SNX30: variants seen among roughly 807,000 people sequenced by gnomAD.
SNX30 encodes sorting nexin-30.
In SNX30, 24 loss-of-function variants were observed where a neutral mutation model predicts 46.4. That is an observed-to-expected ratio of 0.52 (90% CI 0.37 to 0.73). The LOEUF (loss-of-function observed/expected upper bound fraction) is 0.73, where lower values mean the gene tolerates loss of function less well. Among genes scored for constraint, SNX30 ranks in the 30% least tolerant of loss-of-function variants. SNX30 has a pLI of 0.00. For missense variants in SNX30, 533 were observed against 555.7 expected, an observed-to-expected ratio of 0.96 and a Z score of 0.41; for synonymous variants, 189 against 211.5, an observed-to-expected ratio of 0.89 and a Z score of 0.92.
chr9:112,780,231 GGGGTGAGA>G (rs1839824858), intron 1 of SNX30, among the ~76,000 whole-genome samples: 1 of 152,192 alleles, frequency 6.6e-6, no homozygotes, highest in Non-Finnish European at 1.5e-5. Flanking sequence ...AGGCAGAATT[GGGGTGAGA>G]GGGCAAACCC....
chr9:112,785,289 C>G (rs545334809), intron 1 of SNX30, among the ~76,000 whole-genome samples: 1 of 151,992 alleles, frequency 6.6e-6, no homozygotes, highest in Admixed American at 6.6e-5. Context: ...GATCACAGCT[C>G]CCTGCAGCCT....
downstream of SNX30, among the ~76,000 whole-genome samples, chr9:112,883,068 C>T (rs1000474313): frequency 6.6e-6 from 1 of 152,154 alleles, no homozygotes; most frequent in African/African-American, 2.4e-5. Context: ...GGCAGCAGGT[C>T]AACGGATGCA....
At chr9:112,768,214 T>C (rs1455661225) in intron 1 of SNX30, among the ~76,000 whole-genome samples, 2 of 152,190 alleles carry the variant, frequency 1.3e-5, no homozygotes, top group Non-Finnish European at 2.9e-5. Context: ...CCAAGTGATT[T>C]TCCTCGTGAG....
At chr9:112,817,482 C>T (rs62576411) in intron 2 of SNX30, among the ~76,000 whole-genome samples, 9,865 of 125,388 alleles carry the variant, frequency 0.079, 433 homozygotes, top group Admixed American at 0.11. Context: ...GGTGCAATCT[C>T]GGAAAACTGG....
chr9:112,830,176 T>C (rs1840639026), intron 3 of SNX30, among the ~76,000 whole-genome samples: 1 of 152,138 alleles, frequency 6.6e-6, no homozygotes, highest in African/African-American at 2.4e-5. Flanking sequence ...ATAAAGGAAA[T>C]TACGTTTTAA....
chr9:112,780,762 G>C (rs2131375436), intron 1 of SNX30, among the ~76,000 whole-genome samples: 1 of 152,242 alleles, frequency 6.6e-6, no homozygotes, highest in South Asian at 2.1e-4. Flanking sequence ...ATAGTAAGAT[G>C]AAATTCACTA....
At chr9:112,856,867 C>A in intron 7 of SNX30, 1 of 152,674 alleles carries the variant, frequency 6.5e-6, no homozygotes, top group Non-Finnish European at 1.5e-5. Context: ...AGAACTCCCC[C>A]ATCCCCTCAG....
intron 2 of SNX30, among the ~76,000 whole-genome samples, chr9:112,815,336 G>C (rs1840380011): frequency 6.6e-6 from 1 of 151,582 alleles, no homozygotes; most frequent in Non-Finnish European, 1.5e-5. Flanking sequence ...AAACATAAGA[G>C]AAATGATCAG....
At chr9:112,859,151 T>C (rs1415099899) in intron 7 of SNX30, among the ~76,000 whole-genome samples, 1 of 152,172 alleles carries the variant, frequency 6.6e-6, no homozygotes. Flanking sequence ...CTTTGACCAT[T>C]CTAGATACCT....
rs1205512074 is a variant in SNX30, at chr9:112,868,839, A to G, written c.1310A>G (p.Lys437Arg). The G allele has an allele frequency of 1.2e-6, 2 of 1,614,176 alleles. No homozygotes were observed. Among genetic ancestry groups the G allele is most frequent in the Admixed American group, 1.7e-5 (1 of 60,026 alleles). ...CTACTGCAGGAGAAACAAGAGGCCAAGTAAAGTTCTTTCTTGGGACGGAGA... is the reference window on the plus strand; with the variant it reads ...CTACTGCAGGAGAAACAAGAGGCCAGGTAAAGTTCTTTCTTGGGACGGAGA... The part of the protein sequence containing the change: ...IPLLQEKQEA[K>R] Residue 437 changes from lysine to arginine, a missense_variant, in exon 9 of 9, where the codon AAG becomes AGG. By Grantham distance (26) the Lys-to-Arg change is conservative (BLOSUM62 2). Around this residue, in one of 3 missense-constraint regions of SNX30, gnomAD observed 261 missense variants for 270.9 expected, o/e 0.96. Coordinates refer to ENST00000374232, the MANE Select transcript of SNX30 (RefSeq NM_001012994.2).
chr9:112,842,263 CTG>C, intron 6 of SNX30, among the ~76,000 whole-genome samples: 1 of 152,220 alleles, frequency 6.6e-6, no homozygotes, highest in South Asian at 2.1e-4. Flanking sequence ...TCTTCATCAG[CTG>C]CTGAATGGTC....
At chr9:112,786,483 G>GT (rs911967298) in intron 1 of SNX30, among the ~76,000 whole-genome samples, 6 of 151,060 alleles carry the variant, frequency 4.0e-5, no homozygotes, top group South Asian at 4.2e-4. Context: ...GGCTGTAAGA[G>GT]TTTTTTTTTC....
chr9:112,776,094 A>G (rs1839744071), intron 1 of SNX30, among the ~76,000 whole-genome samples: 1 of 151,788 alleles, frequency 6.6e-6, no homozygotes, highest in Non-Finnish European at 1.5e-5. Context: ...CTGGTATTTT[A>G]TGTTTTTTGT....
chr9:112,806,661 G>A (rs1039250329), intron 2 of SNX30, among the ~76,000 whole-genome samples: 1 of 152,054 alleles, frequency 6.6e-6, no homozygotes, highest in African/African-American at 2.4e-5. Flanking sequence ...TTTTATATTT[G>A]TAAAAAAATA....
chr9:112,825,496 G>A (rs1840567238), intron 3 of SNX30, among the ~76,000 whole-genome samples: 1 of 152,040 alleles, frequency 6.6e-6, no homozygotes, highest in South Asian at 2.1e-4. Context: ...GTCTTGCTAT[G>A]TTGCCCAAGC....
intron 1 of SNX30, among the ~76,000 whole-genome samples, chr9:112,754,245 T>C (rs1839316199): frequency 6.6e-6 from 1 of 152,154 alleles, no homozygotes; most frequent in Non-Finnish European, 1.5e-5. Flanking sequence ...AGTGCTTGGG[T>C]AGAAGAGAAA....
chr9:112,822,304 G>A (rs997419291), intron 3 of SNX30, among the ~76,000 whole-genome samples: 7 of 152,178 alleles, frequency 4.6e-5, no homozygotes, highest in Middle Eastern at 6.8e-3. Flanking sequence ...AGTTCACTGT[G>A]TTTTTCTTCA....
chr9:112,867,501 C>T (rs142335286), intron 8 of SNX30, among the ~76,000 whole-genome samples: 20 of 147,352 alleles, frequency 1.4e-4, no homozygotes, highest in African/African-American at 4.8e-4. Flanking sequence ...CTCCTCAGAA[C>T]TCCTCCTCCT....
intron 1 of SNX30, among the ~76,000 whole-genome samples, chr9:112,777,964 G>C (rs1330315571): frequency 2.0e-5 from 3 of 152,146 alleles, no homozygotes; most frequent in Non-Finnish European, 4.4e-5. Context: ...TCTGTGGGTT[G>C]ACTACCCTCA....
Sources: allele counts gnomAD v4.1 joint callset (sites outside exome capture counted in the v4.1 genomes callset), GRCh38; gene constraint gnomAD v4.1.1; regional missense constraint gnomAD v4.1.1; transcripts MANE v1.5; gene names NCBI Gene and HGNC (gene_info 2026-07-23, HGNC 2026-07-21).